NAA35: variants seen among roughly 807,000 people sequenced by gnomAD.
NAA35 encodes MAK10 homolog, amino-acid N-acetyltransferase subunit.
NAA35 carries 18 observed loss-of-function variants against 101.7 expected under a neutral mutation model. The observed-to-expected ratio is 0.18, with a 90% CI of 0.12 to 0.26. The LOEUF is 0.26. Ranked by LOEUF, NAA35 falls within the 10% of genes least tolerant of loss-of-function variation. The pLI, the probability that NAA35 is intolerant of heterozygous loss-of-function variation, is 1.00. For missense variants in NAA35, 601 were observed against 886.8 expected, an observed-to-expected ratio of 0.68 and a Z score of 4.09; for synonymous variants, 267 against 273.1, an observed-to-expected ratio of 0.98 and a Z score of 0.22.
chr9:85,982,166 C>G (rs1024257875), intron 11 of NAA35, among the ~76,000 whole-genome samples: 3 of 152,008 alleles, frequency 2.0e-5, no homozygotes. Flanking sequence ...ATTTTTTTGA[C>G]GTGGTTACAT....
Position 85,941,161 on chromosome 9 carries a change from C to G in NAA35, c.-118C>G, listed in dbSNP as rs1024342160. 2.0e-6 allele frequency: 2 copies of G among 985,844 alleles called. No homozygotes were observed. Among genetic ancestry groups the G allele is most frequent in the Non-Finnish European group, 2.4e-6 (2 of 830,150 alleles). 61.1% of individuals were successfully genotyped at this position (985,844 alleles called of 1,614,324 possible). A position where few individuals can be genotyped will look rare whatever the true frequency, so the allele number is the denominator to read the frequency against. On this transcript the variant is annotated 5_prime_UTR_variant, in exon 1 of 23. Coordinates refer to ENST00000361671, the MANE Select transcript of NAA35 (RefSeq NM_024635.4). Reference sequence around the variant, plus strand: ...CGTCCCGGGCATACGCATGCGTGCACGCTGCCGGTCGGGCTGGGCTGAGAG... The same window carrying G: ...CGTCCCGGGCATACGCATGCGTGCAGGCTGCCGGTCGGGCTGGGCTGAGAG...
Position 85,996,363 on chromosome 9 carries a change from A to C in NAA35, c.878-36A>C, listed in dbSNP as rs997265. ...ATTTGCAGTTTAAAATTCAGAGAAA[A>C]GTTGAAAAATTTTACTTTCATTTTT... On this transcript the variant is annotated intron_variant, in intron 11 of 22. Transcript: ENST00000361671. The C allele has an allele frequency of 2.3e-3, 3,325 of 1,443,786 alleles. 65 individuals carry two copies. In the South Asian group the frequency reaches 0.027, roughly 12 times the overall value. 89.4% of individuals were successfully genotyped at this position (1,443,786 alleles called of 1,614,324 possible).
Position 86,020,873 on chromosome 9 carries a change from T to C in NAA35, c.2038-16T>C, listed in dbSNP as rs1233504203. The C allele has an allele frequency of 6.3e-7, 1 of 1,590,654 alleles. No individual in the cohort carries two copies. The highest frequency in any genetic ancestry group is 1.1e-5 in the South Asian group (1 of 88,834). On this transcript the variant is annotated splice_polypyrimidine_tract_variant and intron_variant, in intron 21 of 22. Coordinates refer to ENST00000361671, the MANE Select transcript of NAA35 (RefSeq NM_024635.4). The stretch of plus-strand genomic sequence containing the variant: ...TATGAAGTTAATGTTTCAGTAGTTT[T>C]ATGTTCATGTTTCAGGTTAATAGAA...
At chr9:85,948,098 T>C (rs1409733297) in intron 2 of NAA35, among the ~76,000 whole-genome samples, 1 of 152,224 alleles carries the variant, frequency 6.6e-6, no homozygotes, top group Non-Finnish European at 1.5e-5. Context: ...TTGGGCAGCT[T>C]GCTTTTATAC....
chr9:85,977,402 A>G lies in NAA35; in HGVS notation c.718A>G (p.Thr240Ala). 6.2e-7 allele frequency: 1 copy of G among 1,612,340 alleles called. No homozygotes were observed. Among genetic ancestry groups the G allele is most frequent in the Non-Finnish European group, 8.5e-7 (1 of 1,178,818 alleles). The change falls in exon 10 of 23, where the codon ACT (threonine) becomes GCT (alanine). Residue 240 changes from threonine (T) to alanine (A), a missense_variant. By Grantham distance (58) the Thr-to-Ala change is moderately conservative. Coordinates refer to ENST00000361671, the MANE Select transcript of NAA35 (RefSeq NM_024635.4). ...CLAVFSRVKF[T>A]RVLLTVLIAF... ...AGCAGTATTCAGCAGAGTGAAATTT[A>G]CTCGTGTGTTACTGACAGTGCTTAT... is the stretch of plus-strand genomic sequence containing the variant.
Position 86,016,563 on chromosome 9 carries a change from A to C in NAA35, c.1593A>C (p.Ala531=). The C allele has an allele frequency of 6.2e-7, 1 of 1,614,004 alleles. No individual in the cohort carries two copies. The highest frequency in any genetic ancestry group is 8.5e-7 in the Non-Finnish European group (1 of 1,179,944). ...GGTATCTCTCTGAATTCCTTTACGC[A>C]TGGTTGATGTCAACATTGAGTCGTG... is the stretch of plus-strand genomic sequence containing the variant. ...IYWYLSEFLY[A]WLMSTLSRAD... Residue 531 remains alanine (A), a synonymous_variant, in exon 18 of 23, where the codon GCA becomes GCC. Transcript: ENST00000361671.
intron 15 of NAA35, among the ~76,000 whole-genome samples, chr9:86,011,247 A>T (rs1279844447): frequency 6.6e-6 from 1 of 152,060 alleles, no homozygotes; most frequent in Non-Finnish European, 1.5e-5. Context: ...CAAAAAAAAA[A>T]TTAAAATTAT....
At chr9:85,971,672 G>A (rs1243296613) in intron 6 of NAA35, among the ~76,000 whole-genome samples, 4 of 152,014 alleles carry the variant, frequency 2.6e-5, no homozygotes, top group Non-Finnish European at 4.4e-5. Flanking sequence ...CTTCATTTCT[G>A]CCCTTACACC....
rs1372958860 is a variant in NAA35 at position 85,954,874 on chromosome 9, T to C, written c.125-1486T>C. ...GGGTTCCCAGACCACTCTTCGAGAATTGCTGGATTACTAGTATGTGTTCTG... is the reference window on the plus strand; with the variant it reads ...GGGTTCCCAGACCACTCTTCGAGAACTGCTGGATTACTAGTATGTGTTCTG... On this transcript the variant is annotated intron_variant, in intron 2 of 22. Coordinates refer to ENST00000361671, the MANE Select transcript of NAA35 (RefSeq NM_024635.4). 5.3e-5 allele frequency among the ~76,000 whole-genome samples: 8 copies of C among 152,316 alleles called. 1 individual carries two copies. The Middle Eastern group carries it at 0.024, about 453-fold the overall frequency.
chr9:86,001,920 G>A (rs1305389339), intron 12 of NAA35, among the ~76,000 whole-genome samples: 1 of 152,136 alleles, frequency 6.6e-6, no homozygotes, highest in Non-Finnish European at 1.5e-5. Context: ...GTGTTAGCTG[G>A]TTATTATGTT....
At chr9:86,020,764 A>G in intron 21 of NAA35, 125 bp from the exon 22 acceptor site, 1 of 584,204 alleles carries the variant, frequency 1.7e-6, no homozygotes, top group Non-Finnish European at 3.0e-6. Flanking sequence ...CAGGAGGTTG[A>G]GGCTTCAGTG....
At chr9:85,957,661 T>TA (rs1249473977) in intron 3 of NAA35, among the ~76,000 whole-genome samples, 1 of 152,178 alleles carries the variant, frequency 6.6e-6, no homozygotes, top group Non-Finnish European at 1.5e-5. Context: ...TAAATGGAAA[T>TA]ACTTGTTCGT....
At chr9:86,010,269 A>AATC (rs1056911769) in intron 15 of NAA35, among the ~76,000 whole-genome samples, 1 of 151,874 alleles carries the variant, frequency 6.6e-6, no homozygotes, top group Admixed American at 6.6e-5. Context: ...TAATAATAAT[A>AATC]ATAAATTGCT....
At chr9:85,947,168 G>A (rs1378073284) in intron 2 of NAA35, among the ~76,000 whole-genome samples, 1 of 152,144 alleles carries the variant, frequency 6.6e-6, no homozygotes, top group Non-Finnish European at 1.5e-5. Context: ...AACCACAAGC[G>A]TGGACACTGA....
intron 11 of NAA35, among the ~76,000 whole-genome samples, chr9:85,992,864 CTA>C (rs1277723605): frequency 6.6e-6 from 1 of 152,160 alleles, no homozygotes; most frequent in East Asian, 1.9e-4. Context: ...TTATGTAAGA[CTA>C]TGTCTTTGTA....
intron 1 of NAA35, chr9:85,941,707 C>T (rs1221450102): frequency 3.0e-6 from 3 of 986,364 alleles, no homozygotes; most frequent in Non-Finnish European, 3.6e-6. Flanking sequence ...GGCTCTGGCC[C>T]GGGAGAGGTC....
chr9:85,996,971 A>T (rs1266001207), intron 12 of NAA35, among the ~76,000 whole-genome samples: 1 of 148,232 alleles, frequency 6.7e-6, no homozygotes, highest in South Asian at 2.1e-4. Flanking sequence ...TTTTGTGGAG[A>T]TGGGGGCCTT....
intron 8 of NAA35, among the ~76,000 whole-genome samples, chr9:85,976,452 C>T (rs752990550): frequency 2.2e-4 from 33 of 152,166 alleles, no homozygotes; most frequent in South Asian, 4.1e-4. Context: ...TTTGCTTTTG[C>T]TGTTTGAATA....
intron 6 of NAA35, among the ~76,000 whole-genome samples, chr9:85,974,020 G>T (rs969703479): frequency 1.3e-5 from 2 of 151,828 alleles, no homozygotes; most frequent in South Asian, 4.2e-4. Context: ...GCAGTGGCTC[G>T]ATCTCTGCTC....
Sources: gnomAD v4.1 joint callset for allele counts (sites outside exome capture counted in the v4.1 genomes callset) on GRCh38, gnomAD v4.1.1 for gene constraint, MANE v1.5 for transcripts, NCBI Gene and HGNC (gene_info 2026-07-23, HGNC 2026-07-21) for gene names.